EVA1C: variants seen among roughly 807,000 people sequenced by gnomAD.
EVA1C encodes the protein eva-1 homolog C, also known as protein eva-1 homolog C.
A neutral mutation model predicts 45.4 loss-of-function variants in EVA1C; 25 were observed. The observed-to-expected ratio is 0.55, with a 90% CI of 0.40 to 0.77. The LOEUF (loss-of-function observed/expected upper bound fraction) is 0.77, where lower values mean the gene tolerates loss of function less well. Among genes scored for constraint, EVA1C ranks in the 30% least tolerant of loss-of-function variants. EVA1C has a pLI of 0.00. For synonymous variants in EVA1C, 190 were observed against 221.2 expected (o/e 0.86, Z 1.25); for missense variants, 479 against 554.8 (o/e 0.86, Z 1.37).
At chr21:32,446,618 A>G (rs1303483343) in intron 1 of EVA1C, among the ~76,000 whole-genome samples, 1 of 152,210 alleles carries the variant, frequency 6.6e-6, no homozygotes, top group African/African-American at 2.4e-5. Context: ...CCTACCGGGA[A>G]AGCAGCATGC....
upstream of EVA1C, among the ~76,000 whole-genome samples, chr21:32,411,776 C>T (rs1015174128): frequency 6.6e-6 from 1 of 152,220 alleles, no homozygotes; most frequent in Non-Finnish European, 1.5e-5. Context: ...CCGCGCGATC[C>T]ATAGGGTTTG....
chr21:32,484,154 C>T (rs777164361), intron 4 of EVA1C, among the ~76,000 whole-genome samples: 1 of 152,164 alleles, frequency 6.6e-6, no homozygotes, highest in African/African-American at 2.4e-5. Context: ...CTTTCCTCTA[C>T]CTGCCCAGTC....
At chr21:32,506,524 T>A (rs1190565860) in intron 7 of EVA1C, among the ~76,000 whole-genome samples, 3 of 151,934 alleles carry the variant, frequency 2.0e-5, no homozygotes, top group African/African-American at 4.8e-5. Flanking sequence ...CTGTGTTGGA[T>A]GTTAGCTAAA....
chr21:32,440,872 G>A (rs146019909), intron 1 of EVA1C, among the ~76,000 whole-genome samples: 3,576 of 152,214 alleles, frequency 0.023, 135 homozygotes, highest in African/African-American at 0.08. Context: ...AGGCCGAGGC[G>A]GGCAGATCAC....
chr21:32,427,441 G>A (rs1050519272), intron 1 of EVA1C, among the ~76,000 whole-genome samples: 2 of 149,984 alleles, frequency 1.3e-5, no homozygotes, highest in Admixed American at 6.6e-5. Context: ...GAGGCCGGGC[G>A]TGGTGGCTCA....
chr21:32,461,995 A>G (rs1013669280), intron 3 of EVA1C, among the ~76,000 whole-genome samples: 6 of 152,128 alleles, frequency 3.9e-5, no homozygotes, highest in Middle Eastern at 3.2e-3. Context: ...AGACTGTGAA[A>G]ACACAGTGTT....
intron 1 of EVA1C, among the ~76,000 whole-genome samples, chr21:32,434,215 G>A (rs985812114): frequency 1.3e-5 from 2 of 152,070 alleles, no homozygotes; most frequent in Non-Finnish European, 1.5e-5. Context: ...ATAATTGCTT[G>A]AACCCGGGAG....
At chr21:32,422,993 C>T (rs2034340801) in intron 1 of EVA1C, among the ~76,000 whole-genome samples, 1 of 134,830 alleles carries the variant, frequency 7.4e-6, no homozygotes, top group Admixed American at 8.8e-5. Flanking sequence ...ATCGCTTGAA[C>T]ATGGGAGGTG....
At chr21:32,431,992 G>A (rs1292437264) in intron 1 of EVA1C, among the ~76,000 whole-genome samples, 1 of 152,166 alleles carries the variant, frequency 6.6e-6, no homozygotes, top group Non-Finnish European at 1.5e-5. Flanking sequence ...TTCAGTTGTT[G>A]TGTCTCTGTA....
At chr21:32,507,585 T>G (rs1176681832) in intron 7 of EVA1C, among the ~76,000 whole-genome samples, 1 of 152,044 alleles carries the variant, frequency 6.6e-6, no homozygotes, top group Middle Eastern at 3.2e-3. Flanking sequence ...TGTATATGTG[T>G]GTGCATGTGT....
chr21:32,413,505 G>A (rs2033914768), intron 1 of EVA1C, among the ~76,000 whole-genome samples: 1 of 152,248 alleles, frequency 6.6e-6, no homozygotes, highest in Non-Finnish European at 1.5e-5. Context: ...AGGTCTGGTG[G>A]AAAGGCAGTG....
At chr21:32,479,543 A>G (rs1325884916) in intron 4 of EVA1C, among the ~76,000 whole-genome samples, 1 of 152,224 alleles carries the variant, frequency 6.6e-6, no homozygotes, top group African/African-American at 2.4e-5. Flanking sequence ...TTCAGAGCTC[A>G]GTGTCAACAA....
chr21:32,481,957 A>C (rs1265830523), intron 4 of EVA1C, among the ~76,000 whole-genome samples: 1 of 152,154 alleles, frequency 6.6e-6, no homozygotes, highest in Non-Finnish European at 1.5e-5. Flanking sequence ...TTAGACTCTA[A>C]ATTGACGAAG....
At chr21:32,431,128 A>G (rs564597619) in intron 1 of EVA1C, among the ~76,000 whole-genome samples, 162 of 152,358 alleles carry the variant, frequency 1.1e-3, no homozygotes, top group African/African-American at 3.8e-3. Flanking sequence ...GGACACAGCC[A>G]CACCATATCA....
Position 32,465,593 on chromosome 21 carries a change from G to C in EVA1C, c.482-2103G>C, listed in dbSNP as rs564067273. Among the ~76,000 whole-genome samples the C allele has an allele frequency of 9.2e-5, 14 of 152,218 alleles. No individual in the cohort carries two copies. The East Asian group carries it at 2.7e-3, about 29-fold the overall frequency. ...ACCACATATGCAAATAAATGACCGT[G>C]GTCCCCTTTATATTTTGCTGAGCAA... On this transcript the variant is annotated intron_variant, in intron 3 of 7. Coordinates refer to ENST00000300255, the MANE Select transcript of EVA1C (RefSeq NM_058187.5).
chr21:32,513,402 G>GATCTCCTGACCTCGTT (rs1343282540), intron 7 of EVA1C, among the ~76,000 whole-genome samples: 2 of 148,588 alleles, frequency 1.3e-5, no homozygotes, highest in Non-Finnish European at 3.0e-5. Context: ...GGATGGTCTC[G>GATCTCCTGACCTCGTT]ATCTCCTGAC....
chr21:32,475,966 C>T (rs180910863), intron 4 of EVA1C, among the ~76,000 whole-genome samples: 21 of 152,000 alleles, frequency 1.4e-4, no homozygotes, highest in African/African-American at 9.6e-5. Context: ...TTCCCTGCAA[C>T]GCTGGCAGCT....
chr21:32,456,780 C>T (rs2035797798), intron 2 of EVA1C, among the ~76,000 whole-genome samples: 1 of 152,074 alleles, frequency 6.6e-6, no homozygotes, highest in African/African-American at 2.4e-5. Context: ...AGGACTTGTT[C>T]CATTTGGGAA....
At chr21:32,505,750 G>C (rs1407972800) in intron 7 of EVA1C, among the ~76,000 whole-genome samples, 1 of 152,214 alleles carries the variant, frequency 6.6e-6, no homozygotes, top group Non-Finnish European at 1.5e-5. Context: ...ATGGCAGAGA[G>C]GGGGAGAGAC....
Sources: allele counts gnomAD v4.1 joint callset (sites outside exome capture counted in the v4.1 genomes callset), GRCh38; gene constraint gnomAD v4.1.1; transcripts MANE v1.5; gene names NCBI Gene and HGNC (gene_info 2026-07-23, HGNC 2026-07-21).